Variants in ADARB2 observed in about 807,000 individuals in gnomAD.
ADARB2 encodes adenosine deaminase RNA specific B2 (inactive).
In ADARB2, 25 loss-of-function variants were observed where a neutral mutation model predicts 62.2. That is an observed-to-expected ratio of 0.40 (90% confidence interval 0.29 to 0.56). The LOEUF (loss-of-function observed/expected upper bound fraction) is 0.56, where lower values mean the gene tolerates loss of function less well. Ranked by LOEUF, ADARB2 falls within the 20% of genes least tolerant of loss-of-function variation. ADARB2 has a pLI of 0.43. For missense variants in ADARB2, 1,071 were observed against 1,077.4 expected, an observed-to-expected ratio of 0.99 and a Z score of 0.08; for synonymous variants, 572 against 500.8, an observed-to-expected ratio of 1.14 and a Z score of -1.90.
At chr10:1,646,984 C>A (rs1409744550) in intron 1 of ADARB2, among the ~76,000 whole-genome samples, 1 of 152,204 alleles carries the variant, frequency 6.6e-6, no homozygotes, top group Non-Finnish European at 1.5e-5. Context: ...AATGGAAAGG[C>A]CCCACCATTT....
At chr10:1,680,398 C>T (rs1050980451) in intron 1 of ADARB2, among the ~76,000 whole-genome samples, 3 of 152,036 alleles carry the variant, frequency 2.0e-5, no homozygotes, top group African/African-American at 7.2e-5. Context: ...CCCTTCTCCA[C>T]CCACATACAT....
intron 1 of ADARB2, among the ~76,000 whole-genome samples, chr10:1,608,697 GAA>G (rs1833525982): frequency 1.4e-5 from 2 of 146,482 alleles, no homozygotes; most frequent in Admixed American, 1.4e-4. Flanking sequence ...GAAAAAGTAA[GAA>G]AGAAAAAGGA....
At chr10:1,536,944 A>G (rs989161551) in intron 1 of ADARB2, among the ~76,000 whole-genome samples, 2 of 152,232 alleles carry the variant, frequency 1.3e-5, no homozygotes, top group Non-Finnish European at 2.9e-5. Flanking sequence ...ATTGCAACAA[A>G]AGCCAAAATT....
At chr10:1,557,078 T>C in intron 1 of ADARB2, 1 of 350,990 alleles carries the variant, frequency 2.8e-6, no homozygotes, top group Non-Finnish European at 5.6e-6. Flanking sequence ...AGCATCCCAC[T>C]GTCCGAGGGT....
chr10:1,631,397 G>C (rs896427859), intron 1 of ADARB2, among the ~76,000 whole-genome samples: 1 of 152,142 alleles, frequency 6.6e-6, no homozygotes, highest in South Asian at 2.1e-4. Context: ...GTGAGGTCCC[G>C]TTCCTGGTGA....
chr10:1,701,638 C>A (rs1834820364), intron 1 of ADARB2, among the ~76,000 whole-genome samples: 1 of 24,900 alleles, frequency 4.0e-5, no homozygotes, highest in Non-Finnish European at 7.9e-5. Flanking sequence ...CGGGCACTCG[C>A]CAACACACAC....
chr10:1,695,295 C>G (rs984681020), intron 1 of ADARB2, among the ~76,000 whole-genome samples: 5 of 152,136 alleles, frequency 3.3e-5, no homozygotes, highest in Non-Finnish European at 5.9e-5. Context: ...CTTTGAGAAC[C>G]CCCTTACCAG....
rs1303583466 is a variant in ADARB2 at position 1,363,804 on chromosome 10, G to A, written c.301C>T (p.Pro101Ser). The A allele has an allele frequency of 6.3e-7, 1 of 1,596,268 alleles. No homozygotes were observed. The highest frequency in any genetic ancestry group is 1.1e-5 in the South Asian group (1 of 90,626). ...GGAPGAKRKR[P>S]LEEGNGGHLC... ...TGGCCCCCATTCCCCTCCTCCAGCGGCCGCTTCCTCTTCGCGCCGGGCGCG... is the reference window on the plus strand; with the variant it reads ...TGGCCCCCATTCCCCTCCTCCAGCGACCGCTTCCTCTTCGCGCCGGGCGCG... Residue 101 changes from proline (P) to serine (S), a missense_variant, in exon 3 of 10, where the codon CCG becomes TCG. Pro to Ser is a moderately conservative substitution (Grantham distance 74, BLOSUM62 -1). Transcript: ENST00000381312.
chr10:1,379,242 A>G, intron 1 of ADARB2, 82 bp from the exon 2 acceptor site: 1 of 1,189,074 alleles, frequency 8.4e-7, no homozygotes, highest in Admixed American at 1.8e-5. Flanking sequence ...TTATTACTGA[A>G]TGTTGGACAA....
At chr10:1,641,540 G>A (rs950042209) in intron 1 of ADARB2, among the ~76,000 whole-genome samples, 2 of 152,194 alleles carry the variant, frequency 1.3e-5, no homozygotes, top group Non-Finnish European at 2.9e-5. Flanking sequence ...AGTTAAAAGA[G>A]CAGCAGAAAG....
intron 1 of ADARB2, among the ~76,000 whole-genome samples, chr10:1,603,146 C>T (rs1564344139): frequency 1.2e-5 from 1 of 86,078 alleles, no homozygotes; most frequent in African/African-American, 3.7e-5. Flanking sequence ...TAAACACACA[C>T]ACACCTGTAC....
chr10:1,478,949 C>T (rs1042350904), intron 1 of ADARB2, among the ~76,000 whole-genome samples: 1 of 152,188 alleles, frequency 6.6e-6, no homozygotes, highest in Non-Finnish European at 1.5e-5. Context: ...GGAGGAGGGG[C>T]CTGCAAACAG....
At chr10:1,628,012 C>T (rs749556809) in intron 1 of ADARB2, among the ~76,000 whole-genome samples, 4 of 152,244 alleles carry the variant, frequency 2.6e-5, no homozygotes, top group African/African-American at 7.2e-5. Context: ...GGAAAACTGC[C>T]GGCTGATGTG....
chr10:1,346,026 T>A (rs1044485860), intron 3 of ADARB2, among the ~76,000 whole-genome samples: 10 of 152,228 alleles, frequency 6.6e-5, no homozygotes, highest in South Asian at 4.2e-4. Context: ...TGTATTATCA[T>A]CATGATCAGA....
intron 1 of ADARB2, among the ~76,000 whole-genome samples, chr10:1,598,536 G>A (rs1833366535): frequency 6.6e-6 from 1 of 152,176 alleles, no homozygotes; most frequent in Non-Finnish European, 1.5e-5. Context: ...GTGGCGATGT[G>A]GCCCATTGCT....
At chr10:1,429,988 G>A (rs7919829) in intron 1 of ADARB2, among the ~76,000 whole-genome samples, 3,723 of 152,234 alleles carry the variant, frequency 0.024, 115 homozygotes, top group African/African-American at 0.075. Context: ...AAGGCTTAGG[G>A]CTTCAAAATG....
chr10:1,734,325 A>G (rs1420150366), intron 1 of ADARB2, among the ~76,000 whole-genome samples: 2 of 147,630 alleles, frequency 1.4e-5, no homozygotes, highest in Admixed American at 1.4e-4. Flanking sequence ...TTAAAGATAC[A>G]TACAGCTGCC....
At chr10:1,350,984 G>A (rs1250100813) in intron 3 of ADARB2, among the ~76,000 whole-genome samples, 1 of 152,170 alleles carries the variant, frequency 6.6e-6, no homozygotes, top group Non-Finnish European at 1.5e-5. Flanking sequence ...GCAGCTGCCA[G>A]GGTTTCCTCC....
At chr10:1,317,865 C>T (rs185181699) in intron 3 of ADARB2, among the ~76,000 whole-genome samples, 2 of 152,256 alleles carry the variant, frequency 1.3e-5, no homozygotes, top group East Asian at 3.9e-4. Context: ...CTCTGCACCC[C>T]AGCCTTCCCG....
Sources: gnomAD v4.1 joint callset for allele counts (sites outside exome capture counted in the v4.1 genomes callset) on GRCh38, gnomAD v4.1.1 for gene constraint, MANE v1.5 for transcripts, NCBI Gene and HGNC (gene_info 2026-07-23, HGNC 2026-07-21) for gene names.